RHOBTB1: variants seen among roughly 807,000 people sequenced by gnomAD.
RHOBTB1 encodes Rho related BTB domain containing 1.
RHOBTB1 carries 40 observed loss-of-function variants against 71.6 expected under a neutral mutation model. That is an observed-to-expected ratio of 0.56 (90% CI 0.43 to 0.73). The LOEUF is 0.73. Ranked by LOEUF, RHOBTB1 falls within the 30% of genes least tolerant of loss-of-function variation. The pLI is 0.00. For synonymous variants in RHOBTB1, 319 were observed against 334.9 expected, an observed-to-expected ratio of 0.95 and a Z score of 0.52; for missense variants, 797 against 894.0, an observed-to-expected ratio of 0.89 and a Z score of 1.38.
chr10:60,883,674 T>C (rs1210906718), intron 7 of RHOBTB1, among the ~76,000 whole-genome samples: 1 of 152,226 alleles, frequency 6.6e-6, no homozygotes, highest in Non-Finnish European at 1.5e-5. Context: ...AGCTTTTTTC[T>C]GGATACAAGA....
chr10:60,880,716 C>A (rs996322124), intron 7 of RHOBTB1, among the ~76,000 whole-genome samples: 1 of 152,106 alleles, frequency 6.6e-6, no homozygotes, highest in African/African-American at 2.4e-5. Context: ...ATCTGCAATA[C>A]ACAGATGTTG....
chr10:60,872,933 TG>T (rs1296542692), intron 9 of RHOBTB1, among the ~76,000 whole-genome samples: 1 of 152,166 alleles, frequency 6.6e-6, no homozygotes, highest in African/African-American at 2.4e-5. Flanking sequence ...TCCCCAGACC[TG>T]GTGGGCCTGC....
At chr10:60,894,909 T>C (rs575760124) in intron 4 of RHOBTB1, among the ~76,000 whole-genome samples, 7 of 152,368 alleles carry the variant, frequency 4.6e-5, no homozygotes, top group South Asian at 2.1e-4. Context: ...TTCTGTTCTC[T>C]AATTTTATGA....
chr10:60,950,421 C>T (rs2085371464), intron 2 of RHOBTB1, among the ~76,000 whole-genome samples: 1 of 152,176 alleles, frequency 6.6e-6, no homozygotes, highest in African/African-American at 2.4e-5. Context: ...TTAAGGCTAT[C>T]TTGCCTGACC....
intron 7 of RHOBTB1, among the ~76,000 whole-genome samples, chr10:60,879,188 G>A (rs865813154): frequency 6.6e-6 from 1 of 152,130 alleles, no homozygotes; most frequent in East Asian, 1.9e-4. Flanking sequence ...AGTATGATGC[G>A]AAAGTGTATG....
chr10:60,927,439 C>T (rs1254779151), intron 2 of RHOBTB1, among the ~76,000 whole-genome samples: 1 of 152,080 alleles, frequency 6.6e-6, no homozygotes, highest in East Asian at 1.9e-4. Flanking sequence ...GAGCTGGAGG[C>T]ATCACATTAT....
intron 4 of RHOBTB1, among the ~76,000 whole-genome samples, chr10:60,903,719 G>A (rs1167888584): frequency 2.0e-5 from 3 of 152,046 alleles, no homozygotes; most frequent in East Asian, 3.9e-4. Flanking sequence ...AGGCAGGGGG[G>A]GTTCTATCTC....
chr10:60,895,403 T>A lies in RHOBTB1; in HGVS notation c.297-2408A>T, dbSNP rs906579474. Among the ~76,000 whole-genome samples, 386 of 152,312 alleles carry A rather than the reference T, an allele frequency of 2.5e-3. 5 individuals carry two copies. In the East Asian group the frequency reaches 0.033, roughly 13 times the overall value. ...GAAAGCAGTTAAAAATAAGATTATTTTTTATTTATTTATTTTTTGAGACGG... is the reference window on the plus strand; with the variant it reads ...GAAAGCAGTTAAAAATAAGATTATTATTTATTTATTTATTTTTTGAGACGG... On this transcript the variant is annotated intron_variant, in intron 4 of 10. Transcript: ENST00000337910.
chr10:60,961,324 T>C (rs2085769196), intron 2 of RHOBTB1, among the ~76,000 whole-genome samples: 1 of 152,126 alleles, frequency 6.6e-6, no homozygotes, highest in African/African-American at 2.4e-5. Flanking sequence ...GCTCCACTGC[T>C]TACTAGCGGT....
intron 9 of RHOBTB1, among the ~76,000 whole-genome samples, chr10:60,872,617 C>A (rs1234488518): frequency 6.6e-6 from 1 of 151,504 alleles, no homozygotes; most frequent in African/African-American, 2.4e-5. Context: ...CTGGAAGGCA[C>A]CAGCCCACAG....
At chr10:61,001,061 A>T (rs868180286) in intron 1 of RHOBTB1, among the ~76,000 whole-genome samples, 1 of 147,898 alleles carries the variant, frequency 6.8e-6, no homozygotes, top group African/African-American at 2.5e-5. Context: ...TGTGTGTGTG[A>T]GTGCGCGCGC....
chr10:60,874,376 C>T (rs1254866959), intron 9 of RHOBTB1, among the ~76,000 whole-genome samples: 1 of 152,226 alleles, frequency 6.6e-6, no homozygotes, highest in Non-Finnish European at 1.5e-5. Flanking sequence ...TGCAAACTGT[C>T]ATCCCATTTC....
intron 2 of RHOBTB1, among the ~76,000 whole-genome samples, chr10:60,921,365 A>G (rs571397093): frequency 1.3e-5 from 2 of 152,340 alleles, no homozygotes; most frequent in East Asian, 3.9e-4. Context: ...TAAGTTCTCC[A>G]GGAGAGAAAG....
chr10:60,867,622 A>G (rs555261047), downstream of RHOBTB1, among the ~76,000 whole-genome samples: 1 of 152,372 alleles, frequency 6.6e-6, no homozygotes, highest in Non-Finnish European at 1.5e-5. Flanking sequence ...AATTACTTTC[A>G]TATTTCATAG....
intron 2 of RHOBTB1, among the ~76,000 whole-genome samples, chr10:60,974,746 G>C (rs1248642427): frequency 6.6e-6 from 1 of 152,072 alleles, no homozygotes; most frequent in African/African-American, 2.4e-5. Context: ...TGTCAGAACT[G>C]AGTTTTAATG....
intron 9 of RHOBTB1, among the ~76,000 whole-genome samples, chr10:60,874,715 C>T (rs1216418914): frequency 3.9e-5 from 6 of 152,036 alleles, no homozygotes; most frequent in Admixed American, 3.9e-4. Context: ...GAAGCTGGTG[C>T]CTTAGGGGAC....
Position 60,872,188 on chromosome 10 carries a change from C to A in RHOBTB1, c.1918G>T (p.Ala640Ser). 1 of 1,610,436 alleles carries A rather than the reference C, an allele frequency of 6.2e-7. No homozygotes were observed. The highest frequency in any genetic ancestry group is 8.5e-7 in the Non-Finnish European group (1 of 1,176,684). Reference sequence around the variant, plus strand: ...TGGGGGCCTCACACAGTCTCACCTGCAGATTTTGATTTGATTTCCTTACGG... The same window carrying A: ...TGGGGGCCTCACACAGTCTCACCTGAAGATTTTGATTTGATTTCCTTACGG... Reference protein sequence around the residue: ...KFRKEIKSKSADNQEYFERHR... With the variant: ...KFRKEIKSKSSDNQEYFERHR... Residue 640 changes from alanine (A) to serine (S), a missense_variant, in exon 10 of 11, where the codon GCA becomes TCA. Coordinates refer to ENST00000337910, the MANE Select transcript of RHOBTB1 (RefSeq NM_014836.5).
chr10:60,982,604 T>C (rs903215726), intron 2 of RHOBTB1, among the ~76,000 whole-genome samples: 4 of 152,158 alleles, frequency 2.6e-5, no homozygotes, highest in East Asian at 1.9e-4. Context: ...CCAATCGTTA[T>C]AGCCAAAACA....
downstream of RHOBTB1, among the ~76,000 whole-genome samples, chr10:60,865,830 A>C (rs913114113): frequency 1.3e-5 from 2 of 151,838 alleles, no homozygotes; most frequent in Non-Finnish European, 2.9e-5. Context: ...TGGGACCTGG[A>C]ATTCATTTTT....
Sources: allele counts gnomAD v4.1 joint callset (sites outside exome capture counted in the v4.1 genomes callset), GRCh38; gene constraint gnomAD v4.1.1; transcripts MANE v1.5; gene names NCBI Gene and HGNC (gene_info 2026-07-23, HGNC 2026-07-21).